The following TEX11 variants were observed in gnomAD, a reference collection of about 807,000 sequenced individuals.
TEX11 encodes the protein testis-expressed protein 11.
In TEX11, 7 loss-of-function variants were observed where a neutral mutation model predicts 84.4. That is an observed-to-expected ratio of 0.08 (90% CI 0.05 to 0.16). TEX11 has a LOEUF of 0.16. Among genes scored for constraint, TEX11 ranks in the 10% least tolerant of loss-of-function variants. TEX11 has a pLI of 1.00. For synonymous variants in TEX11, 264 were observed against 222.8 expected (o/e 1.18, Z -1.64); for missense variants, 551 against 660.5 (o/e 0.83, Z 1.82).
At chrX:70,835,706 A>C (rs1336262832) in intron 7 of TEX11, among the ~76,000 whole-genome samples, 3 of 112,618 alleles carry the variant, frequency 2.7e-5, no homozygotes, top group Non-Finnish European at 5.6e-5. Flanking sequence ...AGGGACAGTA[A>C]TGTCTACAAT....
chrX:70,841,087 C>T (rs1569453281), intron 7 of TEX11, among the ~76,000 whole-genome samples: 1 of 111,069 alleles, frequency 9.0e-6, no homozygotes, highest in East Asian at 2.8e-4. Flanking sequence ...AGAAAGTTAA[C>T]AAGGATACCC....
At chrX:70,845,414 G>A (rs1251240786) in intron 7 of TEX11, among the ~76,000 whole-genome samples, 4 of 110,308 alleles carry the variant, frequency 3.6e-5, no homozygotes, top group South Asian at 3.9e-4. Context: ...CGCCCGCCTC[G>A]GCCTCCCAAA....
intron 28 of TEX11, among the ~76,000 whole-genome samples, chrX:70,540,771 T>C (rs775893257): frequency 1.5e-4 from 17 of 111,833 alleles, no homozygotes; most frequent in Non-Finnish European, 2.3e-4. Flanking sequence ...AAACACCCAG[T>C]CAGCTCTTCC....
At chrX:70,724,588 GT>G (rs1215313593) in intron 12 of TEX11, among the ~76,000 whole-genome samples, 1 of 111,380 alleles carries the variant, frequency 9.0e-6, no homozygotes, top group Non-Finnish European at 1.9e-5. Context: ...AAACTGAAAT[GT>G]TAAGGGCTAG....
chrX:70,879,450 A>G (rs76334029), intron 3 of TEX11, among the ~76,000 whole-genome samples: 2,754 of 110,886 alleles, frequency 0.025, 132 homozygotes, highest in East Asian at 0.16. Flanking sequence ...TGCCCAAGGT[A>G]AATATTCTCA....
At chrX:70,661,436 T>C (rs763555683) in intron 16 of TEX11, among the ~76,000 whole-genome samples, 2 of 112,487 alleles carry the variant, frequency 1.8e-5, no homozygotes, top group African/African-American at 6.4e-5. Context: ...CTCTGTAGAC[T>C]CCACCTCTGG....
intron 13 of TEX11, among the ~76,000 whole-genome samples, chrX:70,691,719 T>G (rs1296403290): frequency 9.0e-6 from 1 of 111,125 alleles, no homozygotes; most frequent in Non-Finnish European, 1.9e-5. Flanking sequence ...AGTTAAAAAT[T>G]GATTAAGTTC....
At chrX:70,541,134 A>G (rs1460790206) in intron 28 of TEX11, among the ~76,000 whole-genome samples, 2 of 111,364 alleles carry the variant, frequency 1.8e-5, no homozygotes, top group East Asian at 5.7e-4. Flanking sequence ...AGGCTGAGCT[A>G]TGATCAGCTT....
At chrX:70,820,637 C>T (rs1317603588) in intron 8 of TEX11, among the ~76,000 whole-genome samples, 1 of 111,098 alleles carries the variant, frequency 9.0e-6, no homozygotes, top group African/African-American at 3.3e-5. Context: ...GTAAACATGT[C>T]CCATGGCAAG....
At chrX:70,855,786 A>T (rs1602185661) in intron 5 of TEX11, among the ~76,000 whole-genome samples, 1 of 110,953 alleles carries the variant, frequency 9.0e-6, no homozygotes, top group East Asian at 2.8e-4. Flanking sequence ...AATGGGCACG[A>T]AAAATGAGCA....
At chrX:70,837,620 C>T (rs749861240) in intron 7 of TEX11, among the ~76,000 whole-genome samples, 7 of 104,799 alleles carry the variant, frequency 6.7e-5, no homozygotes, top group South Asian at 4.4e-4. Flanking sequence ...AAGACAAGGA[C>T]GGATCGCAAA....
chrX:70,524,068 A>G (rs1206479337), downstream of TEX11, among the ~76,000 whole-genome samples: 1 of 111,837 alleles, frequency 8.9e-6, no homozygotes, highest in East Asian at 2.8e-4. Flanking sequence ...AAAATCACTC[A>G]TGACATTCTT....
chrX:70,731,995 C>T (rs1272022019), intron 11 of TEX11, among the ~76,000 whole-genome samples: 1 of 111,982 alleles, frequency 8.9e-6, no homozygotes, highest in Non-Finnish European at 1.9e-5. Context: ...GAGGCTGGTT[C>T]AACATGTGCA....
chrX:70,755,837 T>A (rs1682173495), intron 9 of TEX11, among the ~76,000 whole-genome samples: 1 of 112,349 alleles, frequency 8.9e-6, no homozygotes, highest in South Asian at 3.7e-4. Context: ...TTTCCTTTCC[T>A]AGCCAAGGGA....
rs1382131145 is a variant in TEX11 at position 70,722,303 on chromosome X, G to T, written c.1004+315C>A. Reference sequence around the variant, plus strand: ...TTAAAATTATTTTTGAGAGAGTCCTGCTCTGTTGCCCATGCTGGAATGCAG... The same window carrying T: ...TTAAAATTATTTTTGAGAGAGTCCTTCTCTGTTGCCCATGCTGGAATGCAG... On this transcript the variant is annotated intron_variant, in intron 13 of 29. Transcript: ENST00000374333. Among the ~76,000 whole-genome samples the T allele has an allele frequency of 3.6e-5, 4 of 111,996 alleles. No individual in the cohort carries two copies. In the Admixed American group the frequency reaches 3.8e-4, roughly 11 times the overall value.
chrX:70,629,721 T>C lies in TEX11; in HGVS notation c.1498A>G (p.Ile500Val). Residue 500 changes from isoleucine (I) to valine (V), a missense_variant, in exon 18 of 30, where the codon ATT (isoleucine) becomes GTT (valine). Coordinates refer to ENST00000374333, the MANE Select transcript of TEX11 (RefSeq NM_031276.3). Reference sequence around the variant, plus strand: ...TCTGTTAATATATTCTCTAAAGTAATTATTGCCTGCAAAGCTGAAAAACAA... The same window carrying C: ...TCTGTTAATATATTCTCTAAAGTAACTATTGCCTGCAAAGCTGAAAAACAA... The part of the protein sequence containing the change: ...GNSERALQAI[I>V]TLENILTDEE... 1 of 1,169,745 alleles carries C rather than the reference T, an allele frequency of 8.5e-7. No individual in the cohort carries two copies. The highest frequency in any genetic ancestry group is 1.2e-6 in the Non-Finnish European group (1 of 866,324).
chrX:70,789,302 C>T (rs746270565), intron 9 of TEX11, among the ~76,000 whole-genome samples: 2 of 111,580 alleles, frequency 1.8e-5, no homozygotes, highest in South Asian at 7.5e-4. Context: ...CAAATTAAAA[C>T]CACAGTGAGG....
At chrX:70,790,595 G>A (rs1222449860) in intron 9 of TEX11, among the ~76,000 whole-genome samples, 1 of 112,177 alleles carries the variant, frequency 8.9e-6, no homozygotes, top group Non-Finnish European at 1.9e-5. Context: ...AGTAAAACAC[G>A]ACCCTGATGA....
intron 9 of TEX11, among the ~76,000 whole-genome samples, chrX:70,763,970 C>G (rs2090925070): frequency 8.9e-6 from 1 of 112,172 alleles, no homozygotes; most frequent in African/African-American, 3.2e-5. Flanking sequence ...TTAATTTGCA[C>G]TATAGAACAT....
Sources: allele counts gnomAD v4.1 joint callset (sites outside exome capture counted in the v4.1 genomes callset), GRCh38; gene constraint gnomAD v4.1.1; transcripts MANE v1.5; gene names NCBI Gene and HGNC (gene_info 2026-07-23, HGNC 2026-07-21).